Variants in ALK observed in about 807,000 individuals in gnomAD.
The protein encoded by ALK is ALK tyrosine kinase receptor.
Under a neutral mutation model 163.1 loss-of-function variants are expected in ALK, and 74 were observed. The ratio of observed to expected loss-of-function variants is 0.45; its 90% CI spans 0.38 to 0.55. The LOEUF (loss-of-function observed/expected upper bound fraction) is 0.55, where lower values mean the gene tolerates loss of function less well. Among genes scored for constraint, ALK ranks in the 20% least tolerant of loss-of-function variants. ALK has a pLI of 0.00. For missense variants in ALK, 2,063 were observed against 2,105.3 expected (o/e 0.98, Z 0.39); for synonymous variants, 960 against 843.2 (o/e 1.14, Z -2.40).
intron 8 of ALK, among the ~76,000 whole-genome samples, chr2:29,308,540 G>C (rs1381096499): frequency 6.6e-6 from 1 of 152,232 alleles, no homozygotes; most frequent in Non-Finnish European, 1.5e-5. Flanking sequence ...TCTAGGCTTT[G>C]TGAGGGAGAT....
At chr2:29,356,587 A>G (rs557651332) in intron 5 of ALK, among the ~76,000 whole-genome samples, 1 of 152,308 alleles carries the variant, frequency 6.6e-6, no homozygotes, top group African/African-American at 2.4e-5. Context: ...GATTTTAGTA[A>G]AAGCTGCTTA....
At chr2:29,548,276 G>C (rs1361400812) in intron 3 of ALK, among the ~76,000 whole-genome samples, 1 of 151,992 alleles carries the variant, frequency 6.6e-6, no homozygotes, top group East Asian at 1.9e-4. Flanking sequence ...GACTGGGACC[G>C]TCCTGGCTAA....
At chr2:29,497,236 C>T (rs938562146) in intron 4 of ALK, among the ~76,000 whole-genome samples, 5 of 151,898 alleles carry the variant, frequency 3.3e-5, no homozygotes, top group Non-Finnish European at 7.4e-5. Context: ...AGTGCCACTG[C>T]ACTCCTGCCT....
intron 1 of ALK, among the ~76,000 whole-genome samples, chr2:29,815,853 C>CA (rs1664882100): frequency 1.3e-5 from 2 of 152,180 alleles, no homozygotes; most frequent in Admixed American, 1.3e-4. Context: ...TTTGTGTTTA[C>CA]AGTCCCTTTG....
chr2:29,793,186 C>G (rs1339757144), intron 1 of ALK, among the ~76,000 whole-genome samples: 1 of 152,186 alleles, frequency 6.6e-6, no homozygotes, highest in African/African-American at 2.4e-5. Flanking sequence ...CAAAACACCA[C>G]TTTCTTTGCT....
intron 3 of ALK, among the ~76,000 whole-genome samples, chr2:29,645,399 C>T (rs1198654588): frequency 5.9e-5 from 9 of 152,114 alleles, no homozygotes; most frequent in Admixed American, 5.9e-4. Context: ...TCATATAAGA[C>T]CCAATGGTCA....
chr2:29,388,325 T>G (rs1669082242), intron 4 of ALK, among the ~76,000 whole-genome samples: 1 of 152,192 alleles, frequency 6.6e-6, no homozygotes, highest in Admixed American at 6.5e-5. Flanking sequence ...ACAGGGAACA[T>G]CATACTTTGC....
At position 29,830,712 on chromosome 2, in the gene ALK, T is replaced by TAAA. The variant is rs1665344950; in HGVS notation, c.667+89280_667+89281insTTT. ...AGCAAGACCCTGTCTCTAAAATAGT[T>TAAA]TAAAAAAAAAAAAAAAAAAAAAAAA... On this transcript the variant is annotated intron_variant, in intron 1 of 28. Transcript: ENST00000389048. 3.9e-4 allele frequency among the ~76,000 whole-genome samples: 25 copies of TAAA among 63,520 alleles called. 7 individuals are homozygous for TAAA. The highest frequency in any genetic ancestry group is 5.0e-4 in the African/African-American group (8 of 16,064). The allele number at this position is 63,520 out of a possible 152,430, so 41.7% of individuals were successfully genotyped here. A position where few individuals can be genotyped will look rare whatever the true frequency, so the allele number is the denominator to read the frequency against.
intron 5 of ALK, among the ~76,000 whole-genome samples, chr2:29,363,477 C>A (rs13010090): frequency 0.18 from 27,323 of 152,172 alleles, 2,946 homozygotes; most frequent in Middle Eastern, 0.29. Context: ...TCATCTCTCA[C>A]ACCCTCATGA....
At chr2:29,856,502 A>G (rs12997591) in intron 1 of ALK, among the ~76,000 whole-genome samples, 66,927 of 152,044 alleles carry the variant, frequency 0.44, 15,536 homozygotes, top group Non-Finnish European at 0.5. Context: ...TATGAGGAAA[A>G]TAAGTCTGAG....
intron 3 of ALK, among the ~76,000 whole-genome samples, chr2:29,660,523 CT>C (rs11357494): frequency 0.79 from 119,608 of 151,598 alleles, 47,701 homozygotes; most frequent in African/African-American, 0.91. Context: ...ACAATTCCCT[CT>C]TTTTTAAAGG....
intron 4 of ALK, among the ~76,000 whole-genome samples, chr2:29,426,539 T>C (rs560639294): frequency 6.6e-6 from 1 of 152,100 alleles, no homozygotes; most frequent in Non-Finnish European, 1.5e-5. Flanking sequence ...TCTGTCAATA[T>C]AAAAAATTCC....
chr2:29,288,287 G>A (rs551027386), intron 9 of ALK, among the ~76,000 whole-genome samples: 1 of 152,142 alleles, frequency 6.6e-6, no homozygotes, highest in African/African-American at 2.4e-5. Context: ...TCATTGACCG[G>A]GTTTCTGTCA....
Position 29,294,132 on chromosome 2 carries a change from G to C in ALK, c.1817+2756C>G, listed in dbSNP as rs551174892. Among the ~76,000 whole-genome samples the C allele has an allele frequency of 3.3e-5, 5 of 152,306 alleles. No homozygotes were observed. In the South Asian group the frequency reaches 8.3e-4, roughly 25 times the overall value. Reference sequence around the variant, plus strand: ...GCCTACCTCAGAGGTGGGAGGAAGAGAGTTGGTTTTTCTTTGTCTTTTATC... The same window carrying C: ...GCCTACCTCAGAGGTGGGAGGAAGACAGTTGGTTTTTCTTTGTCTTTTATC... On this transcript the variant is annotated intron_variant, in intron 9 of 28. Transcript: ENST00000389048.
At chr2:29,626,315 A>T (rs1195754401) in intron 3 of ALK, among the ~76,000 whole-genome samples, 1 of 152,198 alleles carries the variant, frequency 6.6e-6, no homozygotes, top group African/African-American at 2.4e-5. Flanking sequence ...TAATTGAATC[A>T]TAAGGGTGGT....
chr2:29,221,852 T>C (rs546245485), intron 22 of ALK, among the ~76,000 whole-genome samples: 1 of 152,302 alleles, frequency 6.6e-6, no homozygotes, highest in African/African-American at 2.4e-5. Flanking sequence ...TCAGGAGCCA[T>C]AGGCACTGAG....
At chr2:29,729,813 A>G (rs1025078783) in intron 1 of ALK, among the ~76,000 whole-genome samples, 4 of 152,226 alleles carry the variant, frequency 2.6e-5, no homozygotes, top group Non-Finnish European at 5.9e-5. Flanking sequence ...TTTACTATAG[A>G]AAATCTGAAA....
At chr2:29,205,724 G>A (rs567001998) in intron 26 of ALK, among the ~76,000 whole-genome samples, 26 of 152,150 alleles carry the variant, frequency 1.7e-4, no homozygotes, top group African/African-American at 6.3e-4. Flanking sequence ...GGATACTTGC[G>A]ATGGCATTTA....
intron 2 of ALK, among the ~76,000 whole-genome samples, chr2:29,705,387 C>T (rs1272067630): frequency 6.6e-6 from 1 of 150,818 alleles, no homozygotes; most frequent in Non-Finnish European, 1.5e-5. Flanking sequence ...CACCTTGGCC[C>T]TGTGATGCAG....
Sources: gnomAD v4.1 joint callset for allele counts (sites outside exome capture counted in the v4.1 genomes callset) on GRCh38, gnomAD v4.1.1 for gene constraint, MANE v1.5 for transcripts, NCBI Gene and HGNC (gene_info 2026-07-23, HGNC 2026-07-21) for gene names.